CWC27: variants seen among roughly 807,000 people sequenced by gnomAD.
CWC27 encodes CWC27 spliceosome associated cyclophilin.
In CWC27, 47 loss-of-function variants were observed where a neutral mutation model predicts 63.6. The ratio of observed to expected loss-of-function variants is 0.74; its 90% CI spans 0.58 to 0.94. CWC27 has a LOEUF of 0.94. CWC27 is among the 40% of genes least tolerant of loss of function. CWC27 has a pLI of 0.00. For synonymous variants in CWC27, 175 were observed against 179.8 expected (o/e 0.97, Z 0.22); for missense variants, 495 against 554.3 (o/e 0.89, Z 1.07).
At chr5:64,772,182 G>A (rs190058284) in intron 1 of CWC27, among the ~76,000 whole-genome samples, 2 of 152,322 alleles carry the variant, frequency 1.3e-5, no homozygotes, top group Admixed American at 1.3e-4. Flanking sequence ...AGGGAGGGAT[G>A]ATGTAATTAG....
chr5:64,863,295 C>T (rs935949856), intron 10 of CWC27, among the ~76,000 whole-genome samples: 9 of 151,988 alleles, frequency 5.9e-5, no homozygotes, highest in African/African-American at 1.2e-4. Context: ...CTGTGATGGG[C>T]GACACTGCTT....
At chr5:64,778,012 A>T (rs1014117905) in intron 2 of CWC27, among the ~76,000 whole-genome samples, 1 of 152,208 alleles carries the variant, frequency 6.6e-6, no homozygotes, top group South Asian at 2.1e-4. Flanking sequence ...AATCATAAAG[A>T]AAATCTTAAA....
chr5:64,774,930 TGTCCGGAA>T (rs1323059889), intron 2 of CWC27, 143 bp downstream of exon 2: 19 of 499,346 alleles, frequency 3.8e-5, no homozygotes, highest in African/African-American at 3.0e-4. Flanking sequence ...TTGAGCTGGG[TGTCCGGAA>T]GTAGAGATAA....
intron 11 of CWC27, among the ~76,000 whole-genome samples, chr5:64,910,100 A>T (rs1367129816): frequency 2.0e-5 from 3 of 152,164 alleles, no homozygotes; most frequent in African/African-American, 7.2e-5. Flanking sequence ...GGTGACCTAC[A>T]GATGGGATTT....
chr5:64,943,223 C>G (rs982142903), intron 11 of CWC27, among the ~76,000 whole-genome samples: 1 of 151,936 alleles, frequency 6.6e-6, no homozygotes, highest in Non-Finnish European at 1.5e-5. Context: ...GATCACGGCC[C>G]TGTGTGTGTT....
At chr5:64,843,813 C>T (rs1461744676) in intron 10 of CWC27, among the ~76,000 whole-genome samples, 1 of 152,000 alleles carries the variant, frequency 6.6e-6, no homozygotes, top group Non-Finnish European at 1.5e-5. Context: ...CATTTAAATA[C>T]CTACATGATT....
At chr5:64,891,947 G>A (rs1580707613) in intron 11 of CWC27, among the ~76,000 whole-genome samples, 3 of 151,914 alleles carry the variant, frequency 2.0e-5, no homozygotes, top group Admixed American at 6.6e-5. Context: ...GGCACGCACC[G>A]CCACACCTGG....
intron 10 of CWC27, among the ~76,000 whole-genome samples, chr5:64,881,395 A>G (rs1305422896): frequency 6.6e-6 from 1 of 152,120 alleles, no homozygotes; most frequent in Non-Finnish European, 1.5e-5. Flanking sequence ...TTGTGCATTC[A>G]TTGCCCTCTT....
chr5:64,993,501 A>T (rs1749577507), intron 13 of CWC27, among the ~76,000 whole-genome samples: 1 of 151,602 alleles, frequency 6.6e-6, no homozygotes, highest in African/African-American at 2.4e-5. Flanking sequence ...AAAAAAAAGA[A>T]GTTCTTTAGC....
chr5:64,782,875 T>C lies in CWC27; in HGVS notation c.252+842T>C, dbSNP rs180992370. 4.8e-4 allele frequency among the ~76,000 whole-genome samples: 73 copies of C among 152,326 alleles called. 1 individual carries two copies. The highest frequency in any genetic ancestry group is 1.7e-3 in the African/African-American group (71 of 41,582). Reference sequence around the variant, plus strand: ...GTCTCAGATGTCACTTTTAGACTATTTTATATTTTACCATGGTAAGACTTC... The same window carrying C: ...GTCTCAGATGTCACTTTTAGACTATCTTATATTTTACCATGGTAAGACTTC... On this transcript the variant is annotated intron_variant, in intron 3 of 13. Coordinates refer to ENST00000381070, the MANE Select transcript of CWC27 (RefSeq NM_005869.4).
chr5:64,927,061 A>G (rs763963717), intron 11 of CWC27, among the ~76,000 whole-genome samples: 7 of 152,194 alleles, frequency 4.6e-5, no homozygotes, highest in Non-Finnish European at 8.8e-5. Context: ...ACCATGTGCT[A>G]TATTTTTTTA....
intron 11 of CWC27, among the ~76,000 whole-genome samples, chr5:64,949,178 T>A (rs1748652376): frequency 6.6e-6 from 1 of 152,022 alleles, no homozygotes; most frequent in Non-Finnish European, 1.5e-5. Flanking sequence ...AGGGAAATTG[T>A]TATTTTACTT....
At chr5:64,913,352 C>CATA (rs2112381289) in intron 11 of CWC27, among the ~76,000 whole-genome samples, 2 of 152,050 alleles carry the variant, frequency 1.3e-5, no homozygotes, top group African/African-American at 4.8e-5. Flanking sequence ...TTATTATATT[C>CATA]ATAATGATTT....
At chr5:64,986,176 T>C (rs1259092323) in intron 13 of CWC27, among the ~76,000 whole-genome samples, 1 of 152,150 alleles carries the variant, frequency 6.6e-6, no homozygotes, top group East Asian at 1.9e-4. Context: ...ATGTGGAACA[T>C]GAAAACATAA....
rs1253088649 is a variant in CWC27 at position 64,952,394 on chromosome 5, G to A, written c.1043-19309G>A. Among the ~76,000 whole-genome samples, 4 of 151,778 alleles carry A rather than the reference G, an allele frequency of 2.6e-5. No homozygotes were observed. In the East Asian group the frequency reaches 7.7e-4, roughly 29 times the overall value. On this transcript the variant is annotated intron_variant, in intron 11 of 13. Transcript: ENST00000381070. Reference sequence around the variant, plus strand: ...GACATTTTCTTTTCACTTCTTAGTGGGCCATTTTGTGCACTAGAAACCCTT... The same window carrying A: ...GACATTTTCTTTTCACTTCTTAGTGAGCCATTTTGTGCACTAGAAACCCTT...
chr5:64,826,114 T>TCTAG (rs1282599803), intron 10 of CWC27, among the ~76,000 whole-genome samples: 2 of 151,796 alleles, frequency 1.3e-5, no homozygotes, highest in African/African-American at 4.9e-5. Context: ...TATCTATCTA[T>TCTAG]CCATCCATCA....
intron 13 of CWC27, among the ~76,000 whole-genome samples, chr5:64,986,207 G>C (rs181153190): frequency 3.2e-4 from 48 of 152,284 alleles, no homozygotes; most frequent in African/African-American, 1.1e-3. Context: ...CATTTGAGTA[G>C]ATATCAAAAA....
chr5:64,998,268 C>G (rs1159470711), intron 13 of CWC27, among the ~76,000 whole-genome samples: 1 of 152,090 alleles, frequency 6.6e-6, no homozygotes, highest in African/African-American at 2.4e-5. Context: ...GATAGGGAAT[C>G]TCATCTTCCC....
chr5:64,943,226 T>TGC (rs1418236063), intron 11 of CWC27, among the ~76,000 whole-genome samples: 2 of 152,116 alleles, frequency 1.3e-5, no homozygotes, highest in African/African-American at 4.8e-5. Flanking sequence ...CACGGCCCTG[T>TGC]GTGTGTTACT....
Sources: gnomAD v4.1 joint callset for allele counts (sites outside exome capture counted in the v4.1 genomes callset) on GRCh38, gnomAD v4.1.1 for gene constraint, MANE v1.5 for transcripts, NCBI Gene and HGNC (gene_info 2026-07-23, HGNC 2026-07-21) for gene names.